The following DGKZ variants were observed in gnomAD, a reference collection of about 807,000 sequenced individuals.
The protein encoded by DGKZ is diacylglycerol kinase zeta, also known as DAG kinase zeta.
In DGKZ, 45 loss-of-function variants were observed where a neutral mutation model predicts 142.5. The observed-to-expected ratio is 0.32, with a 90% confidence interval of 0.25 to 0.40. The LOEUF is 0.40. DGKZ is among the 10% of genes least tolerant of loss of function. DGKZ has a pLI of 1.00. For missense variants in DGKZ, 755 were observed against 1,306.5 expected (o/e 0.58, Z 6.51); for synonymous variants, 442 against 527.0 (o/e 0.84, Z 2.21).
chr11:46,370,389 C>T (rs1249256349), intron 6 of DGKZ, among the ~76,000 whole-genome samples: 2 of 152,328 alleles, frequency 1.3e-5, no homozygotes, highest in Non-Finnish European at 2.9e-5. Flanking sequence ...GCTTTCCAGG[C>T]GACCGCCTAA....
At chr11:46,342,150 G>GT (rs1352992744) in intron 1 of DGKZ, among the ~76,000 whole-genome samples, 1 of 152,172 alleles carries the variant, frequency 6.6e-6, no homozygotes, top group Admixed American at 6.5e-5. Flanking sequence ...TCTTCTTCCT[G>GT]TGTGTACCTG....
chr11:46,367,243 G>T lies in DGKZ; in HGVS notation c.162-48G>T. On this transcript the variant is annotated intron_variant, in intron 1 of 30. Transcript: ENST00000527911. The surrounding 1 kb of genome is among the most constrained non-coding windows in gnomAD (Gnocchi z 4.1). ...AGGCCCCAGGAGGTGGGAGGAAGTA[G>T]GGTCAGCAAGTGCTCAGCCCCCTCC... is the stretch of plus-strand genomic sequence containing the variant. 1 of 1,533,498 alleles carries T rather than the reference G, an allele frequency of 6.5e-7. No homozygotes were observed. The highest frequency in any genetic ancestry group is 1.2e-5 in the South Asian group (1 of 86,880). 95.0% of individuals were successfully genotyped at this position (1,533,498 alleles called of 1,614,324 possible).
At chr11:46,352,730 C>T (rs753956693) in intron 1 of DGKZ, among the ~76,000 whole-genome samples, 13 of 152,310 alleles carry the variant, frequency 8.5e-5, no homozygotes, top group Admixed American at 7.8e-4. Context: ...GCCACACCTG[C>T]GGCCAGGTTC....
intron 4 of DGKZ, 84 bp from the exon 5 acceptor site, chr11:46,369,410 C>T: frequency 6.5e-7 from 1 of 1,537,828 alleles, no homozygotes; most frequent in East Asian, 2.3e-5. Context: ...GAGGATGACT[C>T]TGGGTTGTCC....
chr11:46,375,705 C>A, intron 20 of DGKZ, 74 bp downstream of exon 20: 1 of 1,509,378 alleles, frequency 6.6e-7, no homozygotes, highest in Non-Finnish European at 8.9e-7. Context: ...ATTTCCCCAT[C>A]TGTAAAAGGG....
chr11:46,346,796 G>A (rs966548116), upstream of DGKZ, among the ~76,000 whole-genome samples: 3 of 152,156 alleles, frequency 2.0e-5, no homozygotes, highest in Non-Finnish European at 4.4e-5. Flanking sequence ...AGGAAAATGC[G>A]ATGTGTTGGG....
At chr11:46,333,209 C>A in exon 1 of DGKZ, 1 of 1,217,726 alleles carries the variant, frequency 8.2e-7, no homozygotes. Flanking sequence ...CCCGGGCGGA[C>A]TGGAGACTCG....
intron 1 of DGKZ, among the ~76,000 whole-genome samples, chr11:46,341,063 G>A (rs112244728): frequency 5.3e-5 from 8 of 152,296 alleles, no homozygotes; most frequent in African/African-American, 1.4e-4. Context: ...CAGGAGAATC[G>A]CTTGAACCTG....
At chr11:46,347,065 T>C (rs1940699078), upstream of DGKZ, among the ~76,000 whole-genome samples, 2 of 152,104 alleles carry the variant, frequency 1.3e-5, no homozygotes, top group African/African-American at 2.4e-5. This position sits in a 1 kb window ranked among gnomAD's most constrained non-coding sequence, Gnocchi z 6.4. Flanking sequence ...CAAGGAGGTA[T>C]GGGTGGAGAT....
intron 27 of DGKZ, 71 bp from the exon 28 acceptor site, chr11:46,378,920 G>A: frequency 6.7e-7 from 1 of 1,494,300 alleles, no homozygotes; most frequent in Non-Finnish European, 8.8e-7. Flanking sequence ...CCGGCTGTGG[G>A]CCAGCGTGTG....
In DGKZ at chr11:46,366,504, A is replaced by G. The variant is rs758461035; in HGVS notation, c.162-787A>G. The G allele has an allele frequency of 1.1e-5, 18 of 1,584,804 alleles. No individual in the cohort carries two copies. In the East Asian group the frequency reaches 4.2e-4, roughly 37 times the overall value. ...TCCAGCACTGTGCCCCCTTCCTGCA[A>G]CCCCCGCTTCATCGTGGATAAGGTG... On this transcript the variant is annotated intron_variant, in intron 1 of 30. Coordinates refer to ENST00000527911, the Ensembl canonical transcript of DGKZ.
At position 46,379,584 on chromosome 11, in the gene DGKZ, G is replaced by A. The variant is rs760978680; in HGVS notation, c.2688+16G>A. 23 of 1,595,456 alleles carry A rather than the reference G, an allele frequency of 1.4e-5. No homozygotes were observed. Among genetic ancestry groups the A allele is most frequent in the Middle Eastern group, 3.3e-4 (2 of 6,020 alleles). On this transcript the variant is annotated intron_variant, in intron 30 of 30. Coordinates refer to ENST00000527911, the Ensembl canonical transcript of DGKZ. ...AGACCAGCAGGTGAGCAGACGGCAG[G>A]CAGGGAGCCCACGAGGGCACCAACC... is the stretch of plus-strand genomic sequence containing the variant.
chr11:46,347,345 C>G, upstream of DGKZ: 1 of 984,744 alleles, frequency 1.0e-6, no homozygotes, highest in Non-Finnish European at 1.2e-6. The surrounding 1 kb of genome is among the most constrained non-coding windows in gnomAD (Gnocchi z 6.4). Flanking sequence ...TGCAGCGCAG[C>G]GGGCGTCCGG....
chr11:46,364,902 G>A lies in DGKZ; in HGVS notation c.162-2389G>A, dbSNP rs191686439. On this transcript the variant is annotated intron_variant, in intron 1 of 30. Coordinates refer to ENST00000527911, the Ensembl canonical transcript of DGKZ. ...GACCTTGACCTCTGTGGCTGCCAGC[G>A]GTTAGGATGCATCCCCCACCAGTCT... is the stretch of plus-strand genomic sequence containing the variant. 6.3e-4 allele frequency: 624 copies of A among 985,464 alleles called. 1 individual carries two copies. In the African/African-American group the frequency reaches 8.9e-3, roughly 14 times the overall value. 61.0% of individuals were successfully genotyped at this position (985,464 alleles called of 1,614,324 possible). A position where few individuals can be genotyped will look rare whatever the true frequency, so the allele number is the denominator to read the frequency against.
chr11:46,361,826 C>T (rs141753501), intron 1 of DGKZ: 68 of 285,038 alleles, frequency 2.4e-4, no homozygotes, highest in Middle Eastern at 1.7e-3. Context: ...AGGCAAGGAG[C>T]CTGCCCTGCC....
intron 1 of DGKZ, among the ~76,000 whole-genome samples, chr11:46,353,627 G>A (rs761943597): frequency 2.0e-5 from 3 of 152,174 alleles, no homozygotes; most frequent in Non-Finnish European, 2.9e-5. Context: ...CAATGGACAT[G>A]CTCAGAGGAG....
chr11:46,369,412 G>A, intron 4 of DGKZ, 82 bp from the exon 5 acceptor site: 1 of 1,540,460 alleles, frequency 6.5e-7, no homozygotes. Context: ...GGATGACTCT[G>A]GGTTGTCCTG....
chr11:46,360,488 CAAAA>C (rs35812065), intron 1 of DGKZ, among the ~76,000 whole-genome samples: 11 of 96,082 alleles, frequency 1.1e-4, no homozygotes, highest in Admixed American at 2.4e-4. Context: ...CTTTCCTCAT[CAAAA>C]AAAAAAAAAA....
chr11:46,374,566 C>A, intron 16 of DGKZ, 38 bp from the exon 17 acceptor site: 1 of 1,600,284 alleles, frequency 6.2e-7, no homozygotes, highest in Non-Finnish European at 8.5e-7. Flanking sequence ...GAGGAAAGAT[C>A]TCTGTCAGCA....
Sources: allele counts gnomAD v4.1 joint callset (sites outside exome capture counted in the v4.1 genomes callset), GRCh38; gene constraint gnomAD v4.1.1; non-coding constraint Gnocchi (gnomAD v3.1); transcripts MANE v1.5; gene names NCBI Gene and HGNC (gene_info 2026-07-23, HGNC 2026-07-21).